The following E2F3 variants were observed in gnomAD, a reference collection of about 807,000 sequenced individuals.
E2F3 encodes the protein E2F transcription factor 3.
In E2F3, 11 loss-of-function variants were observed where a neutral mutation model predicts 44.4. The ratio of observed to expected loss-of-function variants is 0.25; its 90% CI spans 0.16 to 0.41. E2F3 has a LOEUF of 0.41. E2F3 is among the 10% of genes least tolerant of loss of function. E2F3 has a pLI of 1.00. For synonymous variants in E2F3, 249 were observed against 253.0 expected, an observed-to-expected ratio of 0.98 and a Z score of 0.15; for missense variants, 487 against 583.6, an observed-to-expected ratio of 0.83 and a Z score of 1.70.
At position 20,424,219 on chromosome 6, in the gene E2F3, G is replaced by A. The variant is rs924899887; in HGVS notation, c.393+21594G>A. On this transcript the variant is annotated intron_variant, in intron 1 of 6. Coordinates refer to ENST00000346618, the MANE Select transcript of E2F3 (RefSeq NM_001949.5). ...TTAACCTCAGTGGAAGGGTGTGTGTGTGTGTGTGTGTGTGTGTGTGTGTGT... is the reference window on the plus strand; with the variant it reads ...TTAACCTCAGTGGAAGGGTGTGTGTATGTGTGTGTGTGTGTGTGTGTGTGT... Among the ~76,000 whole-genome samples the A allele has an allele frequency of 8.0e-3, 1,193 of 149,842 alleles. 20 individuals carry two copies. Among genetic ancestry groups the A allele is most frequent in the African/African-American group, 0.027 (1,094 of 40,026 alleles).
Position 20,402,100 on chromosome 6 carries a change from A to G in E2F3, c.-133A>G. 2.2e-6 allele frequency: 3 copies of G among 1,383,954 alleles called. No individual in the cohort carries two copies. The South Asian group carries it at 4.8e-5, about 22-fold the overall frequency. 85.7% of individuals were successfully genotyped at this position (1,383,954 alleles called of 1,614,324 possible). On this transcript the variant is annotated 5_prime_UTR_variant, in exon 1 of 7. Transcript: ENST00000346618. The surrounding 1 kb of genome is among the most constrained non-coding windows in gnomAD (Gnocchi z 5.6). ...GTGCGGAAAAATAAAAAGAAAAGAG[A>G]GAGAGGGGGCTCGGAAGCGCCGGGC...
intron 1 of E2F3, among the ~76,000 whole-genome samples, chr6:20,476,904 T>C (rs1221861229): frequency 6.6e-6 from 1 of 152,172 alleles, no homozygotes; most frequent in African/African-American, 2.4e-5. Flanking sequence ...AGCAAGCAGA[T>C]TGTCCTTCCG....
At chr6:20,485,810 G>T (rs1762373872) in intron 4 of E2F3, among the ~76,000 whole-genome samples, 1 of 152,148 alleles carries the variant, frequency 6.6e-6, no homozygotes, top group Non-Finnish European at 1.5e-5. Context: ...ACCAGCCCAG[G>T]TGCACTTAAG....
At chr6:20,478,971 T>C (rs1361969039) in intron 1 of E2F3, among the ~76,000 whole-genome samples, 1 of 152,180 alleles carries the variant, frequency 6.6e-6, no homozygotes, top group East Asian at 1.9e-4. Context: ...ATCTATCTTT[T>C]CTCTTGGACT....
At chr6:20,476,357 C>T (rs7744091) in intron 1 of E2F3, among the ~76,000 whole-genome samples, 3,701 of 151,274 alleles carry the variant, frequency 0.024, 151 homozygotes, top group African/African-American at 0.084. Flanking sequence ...GGTGACAGAG[C>T]GAGACTCCGG....
intron 1 of E2F3, among the ~76,000 whole-genome samples, chr6:20,419,921 A>C (rs1471313427): frequency 6.6e-6 from 1 of 152,194 alleles, no homozygotes; most frequent in Non-Finnish European, 1.5e-5. Flanking sequence ...GCTGGAGTGC[A>C]GTGGTGCAGT....
intron 1 of E2F3, among the ~76,000 whole-genome samples, chr6:20,473,992 A>T (rs1761969682): frequency 6.6e-6 from 1 of 152,184 alleles, no homozygotes; most frequent in Non-Finnish European, 1.5e-5. Context: ...GAACATCAGT[A>T]GAGCTCCTTC....
chr6:20,484,093 C>T (rs58033622), intron 4 of E2F3, among the ~76,000 whole-genome samples: 52 of 152,188 alleles, frequency 3.4e-4, no homozygotes, highest in African/African-American at 1.2e-3. Flanking sequence ...GTTGGGAGCC[C>T]CATTGTGGAA....
At chr6:20,472,934 G>C (rs781328884) in intron 1 of E2F3, among the ~76,000 whole-genome samples, 21 of 152,110 alleles carry the variant, frequency 1.4e-4, no homozygotes. Context: ...TTCTGATAAG[G>C]TCTAACTCGG....
intron 1 of E2F3, among the ~76,000 whole-genome samples, chr6:20,409,403 C>A (rs115804118): frequency 6.6e-6 from 1 of 152,184 alleles, no homozygotes; most frequent in East Asian, 1.9e-4. Flanking sequence ...AATTTGTCTT[C>A]TGTGGTTATA....
At chr6:20,475,788 C>T (rs1474103180) in intron 1 of E2F3, among the ~76,000 whole-genome samples, 1 of 152,194 alleles carries the variant, frequency 6.6e-6, no homozygotes, top group Non-Finnish European at 1.5e-5. Context: ...CCATTGTGCC[C>T]AGCCCATTTG....
intron 1 of E2F3, among the ~76,000 whole-genome samples, chr6:20,451,613 A>G (rs1298904734): frequency 6.6e-6 from 1 of 152,142 alleles, no homozygotes; most frequent in Non-Finnish European, 1.5e-5. Flanking sequence ...AGGAGTGGTG[A>G]GAGAGGGCAT....
At position 20,402,450 on chromosome 6, in the gene E2F3, C is replaced by G. The variant is rs757258799; in HGVS notation, c.218C>G (p.Ser73Cys). 2 of 1,611,084 alleles carry G rather than the reference C, an allele frequency of 1.2e-6. No individual in the cohort carries two copies. Among genetic ancestry groups the G allele is most frequent in the Non-Finnish European group, 1.7e-6 (2 of 1,179,472 alleles). Residue 73 changes from serine (S) to cysteine (C), a missense_variant, in exon 1 of 7, where the codon TCC (serine) becomes TGC (cysteine). Transcript: ENST00000346618. This position sits in a 1 kb window ranked among gnomAD's most constrained non-coding sequence, Gnocchi z 5.6. The stretch of plus-strand genomic sequence containing the variant: ...ACTTCCACCACCTCCTGTTCCTCCT[C>G]CCTCCAAAGCGGCGCCGTAGCCGCC... Reference protein sequence around the residue: ...TNTSTTSCSSSLQSGAVAAGP... With the variant: ...TNTSTTSCSSCLQSGAVAAGP...
intron 1 of E2F3, among the ~76,000 whole-genome samples, chr6:20,432,347 A>T (rs996156786): frequency 8.5e-5 from 13 of 152,198 alleles, no homozygotes; most frequent in African/African-American, 3.1e-4. Context: ...TTAACTGCGC[A>T]GCCTGTGTCT....
intron 3 of E2F3, among the ~76,000 whole-genome samples, chr6:20,482,278 G>T (rs892069659): frequency 2.0e-5 from 3 of 146,968 alleles, no homozygotes; most frequent in Admixed American, 6.8e-5. Flanking sequence ...CTTTTTAGTT[G>T]TTGATATAAG....
intron 1 of E2F3, among the ~76,000 whole-genome samples, chr6:20,472,886 A>G (rs549370987): frequency 6.6e-6 from 1 of 152,326 alleles, no homozygotes. Context: ...AATTAATACA[A>G]TATTATGCAG....
intron 1 of E2F3, among the ~76,000 whole-genome samples, chr6:20,474,561 C>T (rs1238841338): frequency 1.3e-5 from 2 of 152,220 alleles, no homozygotes; most frequent in Non-Finnish European, 2.9e-5. Flanking sequence ...CCAATCAGTA[C>T]GATGCTCACG....
intron 1 of E2F3, among the ~76,000 whole-genome samples, chr6:20,434,269 A>G (rs1278689230): frequency 6.6e-6 from 1 of 152,344 alleles, no homozygotes; most frequent in East Asian, 1.9e-4. Context: ...AAGAAAAGGG[A>G]GCACCATCGT....
rs1377716321 is a variant in E2F3, at chr6:20,492,766, T to G, written c.*2336T>G. On this transcript the variant is annotated 3_prime_UTR_variant, in exon 7 of 7. Coordinates refer to ENST00000346618, the MANE Select transcript of E2F3 (RefSeq NM_001949.5). The stretch of plus-strand genomic sequence containing the variant: ...AAGATTTTTTTCCAGTTACTGGGTT[T>G]AACTGGTGTACATTAATTAGATGTC... 1.7e-5 allele frequency: 4 copies of G among 229,928 alleles called. No individual in the cohort carries two copies. 14.2% of individuals were successfully genotyped at this position (229,928 alleles called of 1,614,324 possible). A position where few individuals can be genotyped will look rare whatever the true frequency, so the allele number is the denominator to read the frequency against.
Sources: gnomAD v4.1 joint callset for allele counts (sites outside exome capture counted in the v4.1 genomes callset) on GRCh38, gnomAD v4.1.1 for gene constraint, Gnocchi (gnomAD v3.1) non-coding constraint, MANE v1.5 for transcripts, NCBI Gene and HGNC (gene_info 2026-07-23, HGNC 2026-07-21) for gene names.